Variants in DPP6 observed in about 807,000 individuals in gnomAD.
The protein encoded by DPP6 is dipeptidyl peptidase like 6.
DPP6 carries 69 observed loss-of-function variants against 122.6 expected under a neutral mutation model. The observed-to-expected ratio is 0.56, with a 90% CI of 0.46 to 0.69. The LOEUF is 0.69. Among genes scored for constraint, DPP6 ranks in the 30% least tolerant of loss-of-function variants. The pLI is 0.00. For synonymous variants in DPP6, 418 were observed against 433.1 expected (o/e 0.97, Z 0.43); for missense variants, 928 against 1,116.9 (o/e 0.83, Z 2.41).
chr7:154,415,370 CA>C (rs1206373985), intron 1 of DPP6, among the ~76,000 whole-genome samples: 42 of 152,222 alleles, frequency 2.8e-4, no homozygotes, highest in African/African-American at 9.9e-4. Flanking sequence ...ATAATATATT[CA>C]ATTCCTTCAA....
At chr7:154,076,259 C>T (rs1162417954) in intron 1 of DPP6, among the ~76,000 whole-genome samples, 3 of 152,082 alleles carry the variant, frequency 2.0e-5, no homozygotes, top group South Asian at 2.1e-4. Flanking sequence ...AGACCAGCCT[C>T]GCCAAAACGG....
At chr7:153,748,170 T>C in the DPP6 span, among the ~76,000 whole-genome samples, 2 of 152,330 alleles carry the variant, frequency 1.3e-5, no homozygotes, top group East Asian at 3.9e-4. Flanking sequence ...TCGTGCAGCC[T>C]GTGCTAACGA....
chr7:154,881,946 A>T (rs1429471091), intron 21 of DPP6, among the ~76,000 whole-genome samples: 1 of 152,152 alleles, frequency 6.6e-6, no homozygotes, highest in Non-Finnish European at 1.5e-5. Context: ...GGTAGGTGTA[A>T]CTTGGGTGTC....
chr7:154,261,977 G>A (rs897893952), intron 1 of DPP6, among the ~76,000 whole-genome samples: 3 of 151,858 alleles, frequency 2.0e-5, no homozygotes, highest in Non-Finnish European at 4.4e-5. Context: ...GACCTGGGTG[G>A]TGGATGTAAG....
chr7:154,010,912 G>C (rs993649072), intron 1 of DPP6, among the ~76,000 whole-genome samples: 3 of 152,162 alleles, frequency 2.0e-5, no homozygotes, highest in African/African-American at 7.2e-5. Context: ...TTCAAATACT[G>C]GTTCATCTGG....
chr7:153,876,290 A>G, the DPP6 span, among the ~76,000 whole-genome samples: 5 of 152,024 alleles, frequency 3.3e-5, no homozygotes, highest in East Asian at 9.6e-4. Flanking sequence ...CAATGAGCTA[A>G]CTTGATCTAG....
intron 2 of DPP6, among the ~76,000 whole-genome samples, chr7:154,456,264 G>C (rs1820818953): frequency 6.6e-6 from 1 of 152,184 alleles, no homozygotes; most frequent in Non-Finnish European, 1.5e-5. Flanking sequence ...TGCAGAAACA[G>C]TATATCCATG....
intron 1 of DPP6, among the ~76,000 whole-genome samples, chr7:154,068,152 C>G (rs2429605): frequency 6.6e-6 from 1 of 152,130 alleles, no homozygotes; most frequent in Non-Finnish European, 1.5e-5. Flanking sequence ...GCAGCTGCAG[C>G]ATGTCCTTAG....
At chr7:154,032,588 A>C (rs1446250377) in intron 1 of DPP6, among the ~76,000 whole-genome samples, 1 of 152,212 alleles carries the variant, frequency 6.6e-6, no homozygotes. Context: ...TAATAAAGCA[A>C]TATAAATACA....
At chr7:154,783,493 C>T (rs952986557) in intron 10 of DPP6, among the ~76,000 whole-genome samples, 10 of 152,168 alleles carry the variant, frequency 6.6e-5, no homozygotes, top group African/African-American at 2.2e-4. Flanking sequence ...TATTGCGGCT[C>T]GCTGAGCAGT....
chr7:154,319,864 G>T (rs1382669796), intron 1 of DPP6, among the ~76,000 whole-genome samples: 1 of 151,774 alleles, frequency 6.6e-6, no homozygotes, highest in Non-Finnish European at 1.5e-5. Context: ...GGTGGTGGGT[G>T]CCTGTAATCC....
intron 1 of DPP6, chr7:154,305,402 C>A: frequency 9.7e-7 from 1 of 1,034,430 alleles, no homozygotes; most frequent in Non-Finnish European, 1.2e-6. Flanking sequence ...ACTAAAATCA[C>A]ACTCCTCCTT....
intron 3 of DPP6, among the ~76,000 whole-genome samples, chr7:154,480,549 G>A (rs956596047): frequency 2.0e-5 from 3 of 152,132 alleles, no homozygotes; most frequent in East Asian, 1.9e-4. Context: ...AGGGTTGGCC[G>A]GTTCTCCCTC....
chr7:153,923,154 A>G lies in DPP6; in HGVS notation c.51+35420A>G, dbSNP rs533158862. 1.4e-4 allele frequency among the ~76,000 whole-genome samples: 22 copies of G among 152,326 alleles called. 1 individual carries two copies. Among genetic ancestry groups the G allele is most frequent in the South Asian group, 1.2e-3 (6 of 4,824 alleles). On this transcript the variant is annotated intron_variant, in intron 1 of 25. Transcript: ENST00000404039. ...GGGCGTCCTAGCGGGAAAGAGGAAT[A>G]GAAGGATTTGAGATTAAGCAGGCAC...
intron 8 of DPP6, among the ~76,000 whole-genome samples, chr7:154,753,024 C>T (rs1009748579): frequency 2.6e-5 from 4 of 152,022 alleles, no homozygotes; most frequent in African/African-American, 7.2e-5. Flanking sequence ...TAGCTCTGGC[C>T]GCAGAGGGAT....
chr7:154,090,705 G>T (rs1212368991), intron 1 of DPP6, among the ~76,000 whole-genome samples: 1 of 150,804 alleles, frequency 6.6e-6, no homozygotes, highest in South Asian at 2.1e-4. Context: ...GGGACCCCAG[G>T]TGGAACTGGT....
chr7:154,283,968 A>G (rs929206713), intron 1 of DPP6, among the ~76,000 whole-genome samples: 1 of 152,192 alleles, frequency 6.6e-6, no homozygotes, highest in African/African-American at 2.4e-5. Flanking sequence ...CATGCCGTAT[A>G]TGGCTTTTCG....
Position 154,769,530 on chromosome 7 carries a change from G to T in DPP6, c.997G>T (p.Gly333Cys). The T allele has an allele frequency of 6.2e-7, 1 of 1,612,396 alleles. No individual in the cohort carries two copies. Residue 333 changes from glycine to cysteine, a missense_variant, in exon 9 of 26, where the codon GGC becomes TGC. Transcript: ENST00000377770. Reference protein sequence around the residue: ...VPIMELPTYTGSIYPTVKPYH... With the variant: ...VPIMELPTYTCSIYPTVKPYH... Reference sequence around the variant, plus strand: ...CATCATGGAGCTCCCAACTTACACCGGCTCCATCTACCCCACCGTGAAGCC... The same window carrying T: ...CATCATGGAGCTCCCAACTTACACCTGCTCCATCTACCCCACCGTGAAGCC...
chr7:154,431,432 T>G (rs985452773), intron 1 of DPP6, among the ~76,000 whole-genome samples: 2 of 105,286 alleles, frequency 1.9e-5, no homozygotes, highest in Admixed American at 1.0e-4. Context: ...TCAGGCTCTG[T>G]TTTTCTTTCC....
Sources: allele counts gnomAD v4.1 joint callset (sites outside exome capture counted in the v4.1 genomes callset), GRCh38; gene constraint gnomAD v4.1.1; transcripts MANE v1.5; gene names NCBI Gene and HGNC (gene_info 2026-07-23, HGNC 2026-07-21).